RBFOX1: variants seen among roughly 807,000 people sequenced by gnomAD.
RBFOX1 encodes RNA binding protein fox-1 homolog 1.
A neutral mutation model predicts 57.7 loss-of-function variants in RBFOX1; 8 were observed. The observed-to-expected ratio is 0.14, with a 90% CI of 0.08 to 0.25. The LOEUF is 0.25. RBFOX1 is among the 10% of genes least tolerant of loss of function. The probability of loss-of-function intolerance (pLI) is 1.00; values close to 1 mark genes in which losing one functional copy is unlikely to be tolerated. For missense variants in RBFOX1, 611 were observed against 548.5 expected (o/e 1.11, Z -1.14); for synonymous variants, 326 against 222.4 (o/e 1.47, Z -4.15).
intron 4 of RBFOX1, among the ~76,000 whole-genome samples, chr16:5,878,530 A>G (rs1376026271): frequency 6.6e-6 from 1 of 152,174 alleles, no homozygotes; most frequent in Non-Finnish European, 1.5e-5. Flanking sequence ...AGCAGGCTTG[A>G]AAACCCCCTT....
intron 1 of RBFOX1, among the ~76,000 whole-genome samples, chr16:6,058,155 G>C (rs931664130): frequency 6.6e-5 from 10 of 152,122 alleles, no homozygotes; most frequent in African/African-American, 2.2e-4. Flanking sequence ...GTGGAATGGA[G>C]AAATGCAAGT....
intron 4 of RBFOX1, among the ~76,000 whole-genome samples, chr16:6,007,450 A>G (rs1274611527): frequency 6.6e-6 from 1 of 152,176 alleles, no homozygotes; most frequent in Non-Finnish European, 1.5e-5. Flanking sequence ...TTCTTCAGTC[A>G]GGTCTTGAGA....
chr16:5,912,306 C>A (rs1353412614), intron 4 of RBFOX1, among the ~76,000 whole-genome samples: 1 of 152,170 alleles, frequency 6.6e-6, no homozygotes, highest in Non-Finnish European at 1.5e-5. Flanking sequence ...GTATCATTGA[C>A]ACATAATAAA....
intron 11 of RBFOX1, among the ~76,000 whole-genome samples, chr16:7,634,105 T>C (rs1277378294): frequency 6.6e-6 from 1 of 152,224 alleles, no homozygotes; most frequent in Non-Finnish European, 1.5e-5. Flanking sequence ...CTTTGCTCTC[T>C]GATGGGTGCA....
chr16:5,830,915 C>G (rs2056243902), intron 3 of RBFOX1, among the ~76,000 whole-genome samples: 1 of 152,168 alleles, frequency 6.6e-6, no homozygotes, highest in African/African-American at 2.4e-5. Context: ...TCCTGTGATG[C>G]CCTCTCCTTG....
At chr16:5,468,370 CT>C (rs1358080889) in intron 2 of RBFOX1, among the ~76,000 whole-genome samples, 2 of 152,136 alleles carry the variant, frequency 1.3e-5, no homozygotes, top group African/African-American at 2.4e-5. Flanking sequence ...CCTTCAGCCC[CT>C]GACAGACACC....
chr16:7,550,835 C>T (rs950652903), intron 5 of RBFOX1, among the ~76,000 whole-genome samples: 1 of 152,034 alleles, frequency 6.6e-6, no homozygotes, highest in Non-Finnish European at 1.5e-5. Flanking sequence ...GACTCACTCC[C>T]ATAATCCGAA....
At chr16:6,799,053 A>G (rs1260723464) in intron 3 of RBFOX1, among the ~76,000 whole-genome samples, 3 of 152,104 alleles carry the variant, frequency 2.0e-5, no homozygotes, top group African/African-American at 4.8e-5. Flanking sequence ...AAATTAGGCT[A>G]TATTTGGTAG....
At chr16:6,770,506 C>G (rs1603618807) in intron 3 of RBFOX1, among the ~76,000 whole-genome samples, 1 of 152,182 alleles carries the variant, frequency 6.6e-6, no homozygotes, top group Non-Finnish European at 1.5e-5. Flanking sequence ...TAGGATAGCC[C>G]TGCAAGTCGA....
chr16:5,512,362 C>T (rs113060518), intron 2 of RBFOX1, among the ~76,000 whole-genome samples: 3,445 of 152,112 alleles, frequency 0.023, 140 homozygotes, highest in African/African-American at 0.079. Flanking sequence ...TTCCCTCCCT[C>T]CCTCCTTTCT....
At chr16:7,299,013 A>G (rs1416778666) in intron 4 of RBFOX1, among the ~76,000 whole-genome samples, 2 of 152,192 alleles carry the variant, frequency 1.3e-5, no homozygotes, top group African/African-American at 4.8e-5. Context: ...TGGTTTATGT[A>G]TCATGTATCT....
At chr16:7,100,727 C>T (rs1049803223) in intron 4 of RBFOX1, among the ~76,000 whole-genome samples, 2 of 151,852 alleles carry the variant, frequency 1.3e-5, no homozygotes, top group African/African-American at 4.8e-5. Flanking sequence ...GGAGAGTGAA[C>T]AGAGGACTCA....
intron 4 of RBFOX1, among the ~76,000 whole-genome samples, chr16:5,976,600 G>A (rs1271811769): frequency 6.6e-6 from 1 of 152,154 alleles, no homozygotes; most frequent in Non-Finnish European, 1.5e-5. Context: ...CAGGCACAGT[G>A]GCTCATACCT....
At chr16:6,184,268 C>T (rs1437245833) in intron 1 of RBFOX1, among the ~76,000 whole-genome samples, 1 of 152,088 alleles carries the variant, frequency 6.6e-6, no homozygotes, top group Non-Finnish European at 1.5e-5. Flanking sequence ...CAAACCATAT[C>T]AGAGGATGTT....
chr16:6,492,527 C>T (rs1206607021), intron 2 of RBFOX1, among the ~76,000 whole-genome samples: 1 of 152,006 alleles, frequency 6.6e-6, no homozygotes, highest in African/African-American at 2.4e-5. Flanking sequence ...CGAGATGGTG[C>T]CACTGCACTA....
chr16:6,391,053 C>T (rs2092576195), intron 2 of RBFOX1, among the ~76,000 whole-genome samples: 1 of 152,164 alleles, frequency 6.6e-6, no homozygotes, highest in African/African-American at 2.4e-5. Flanking sequence ...CGCACTCCTC[C>T]AGTTGTGACA....
intron 4 of RBFOX1, among the ~76,000 whole-genome samples, chr16:7,419,580 C>T (rs1268282173): frequency 6.6e-6 from 1 of 152,210 alleles, no homozygotes; most frequent in East Asian, 1.9e-4. Context: ...GCTTGGACCT[C>T]CTGCCTAATT....
At chr16:6,959,823 G>A (rs2082595769) in intron 3 of RBFOX1, among the ~76,000 whole-genome samples, 1 of 152,142 alleles carries the variant, frequency 6.6e-6, no homozygotes, top group South Asian at 2.1e-4. Flanking sequence ...TGTAATTCCA[G>A]CTACTCGGGA....
At chr16:6,439,244 G>T (rs528902322) in intron 2 of RBFOX1, among the ~76,000 whole-genome samples, 1 of 152,086 alleles carries the variant, frequency 6.6e-6, no homozygotes, top group Non-Finnish European at 1.5e-5. Flanking sequence ...CACATCCTTC[G>T]GCCTCTGATG....
Sources: allele counts gnomAD v4.1 joint callset (sites outside exome capture counted in the v4.1 genomes callset), GRCh38; gene constraint gnomAD v4.1.1; transcripts MANE v1.5; gene names NCBI Gene and HGNC (gene_info 2026-07-23, HGNC 2026-07-21).